CHPT1: variants seen among roughly 807,000 people sequenced by gnomAD.
CHPT1 encodes the protein choline phosphotransferase 1.
Under a neutral mutation model 47.6 loss-of-function variants are expected in CHPT1, and 36 were observed. The ratio of observed to expected loss-of-function variants is 0.76; its 90% CI spans 0.58 to 1.00. The LOEUF is 1.00. CHPT1 is among the 50% of genes least tolerant of loss of function. CHPT1 has a pLI of 0.00. For synonymous variants in CHPT1, 194 were observed against 186.3 expected, an observed-to-expected ratio of 1.04 and a Z score of -0.33; for missense variants, 458 against 498.1, an observed-to-expected ratio of 0.92 and a Z score of 0.77.
At chr12:101,719,804 T>A (rs1420762962) in intron 4 of CHPT1, 8 of 239,610 alleles carry the variant, frequency 3.3e-5, no homozygotes, top group Non-Finnish European at 5.7e-5. Flanking sequence ...AAAAAGTCAC[T>A]TTAGGCTGGT....
At chr12:101,724,978 G>T (rs972575574) in intron 7 of CHPT1, among the ~76,000 whole-genome samples, 3 of 151,946 alleles carry the variant, frequency 2.0e-5, no homozygotes, top group Admixed American at 2.0e-4. Flanking sequence ...TGGACCCACT[G>T]GTTGTCACCA....
intron 4 of CHPT1, chr12:101,719,477 C>G: frequency 1.7e-6 from 2 of 1,154,360 alleles, no homozygotes; most frequent in Non-Finnish European, 2.3e-6. Flanking sequence ...AAATCCTTTG[C>G]TGCCTTTGGA....
intron 1 of CHPT1, among the ~76,000 whole-genome samples, chr12:101,709,071 T>G (rs1951670635): frequency 6.7e-6 from 1 of 148,546 alleles, no homozygotes; most frequent in Non-Finnish European, 1.5e-5. Context: ...AGAATTGAGT[T>G]AGGGAGGCTC....
At chr12:101,713,641 A>T (rs1426298070) in intron 1 of CHPT1, among the ~76,000 whole-genome samples, 4 of 152,052 alleles carry the variant, frequency 2.6e-5, no homozygotes, top group East Asian at 1.9e-4. Flanking sequence ...TTGTTTTTTT[A>T]AAAATATATT....
intron 1 of CHPT1, among the ~76,000 whole-genome samples, chr12:101,699,393 T>C (rs1232453379): frequency 9.8e-6 from 1 of 102,532 alleles, no homozygotes; most frequent in East Asian, 5.4e-4. Flanking sequence ...TTTCTTTTCT[T>C]TTTTTTTTTT....
In CHPT1 at chr12:101,722,184, GA is replaced by G. The variant is rs547258945; in HGVS notation, c.781-983del. Reference sequence around the variant, plus strand: ...TATTTTTCCAACTTTTTTAGGAGCAGATTTTTTTTCTTGAATGAGATTTAAG... The same window carrying G: ...TATTTTTCCAACTTTTTTAGGAGCAGTTTTTTTTCTTGAATGAGATTTAAG... On this transcript the variant is annotated intron_variant, in intron 5 of 8. Transcript: ENST00000229266. Among the ~76,000 whole-genome samples the G allele has an allele frequency of 1.3e-3, 204 of 152,098 alleles. 2 individuals carry two copies. Among genetic ancestry groups the G allele is most frequent in the African/African-American group, 4.2e-3 (174 of 41,500 alleles).
intron 8 of CHPT1, 153 bp downstream of exon 8, chr12:101,726,557 T>G: frequency 8.7e-7 from 1 of 1,145,830 alleles, no homozygotes; most frequent in Admixed American, 3.1e-5. Flanking sequence ...GTAGATTTCA[T>G]TGTGTCTTAT....
chr12:101,726,187 T>G (rs1373796955), intron 7 of CHPT1, 107 bp from the exon 8 acceptor site: 1 of 715,944 alleles, frequency 1.4e-6, no homozygotes, highest in East Asian at 2.6e-5. Context: ...GTATTTTTGG[T>G]GAAGAATTTT....
intron 4 of CHPT1, among the ~76,000 whole-genome samples, chr12:101,718,234 G>A (rs1951792953): frequency 6.6e-6 from 1 of 152,192 alleles, no homozygotes; most frequent in Non-Finnish European, 1.5e-5. Flanking sequence ...CACACAGAAT[G>A]TGTAACACCA....
chr12:101,704,404 C>CTTTTTTTTTTTTTT (rs762770896), intron 1 of CHPT1, among the ~76,000 whole-genome samples: 1 of 140,090 alleles, frequency 7.1e-6, no homozygotes, highest in Non-Finnish European at 1.5e-5. Context: ...TGCTATTTTT[C>CTTTTTTTTTTTTTT]TTTTTTTTTT....
chr12:101,701,113 G>A (rs1172955031), intron 1 of CHPT1, among the ~76,000 whole-genome samples: 1 of 152,144 alleles, frequency 6.6e-6, no homozygotes, highest in Non-Finnish European at 1.5e-5. Context: ...GAAAAAAGTT[G>A]TGATTTATAT....
intron 1 of CHPT1, among the ~76,000 whole-genome samples, chr12:101,709,259 T>C (rs1469161356): frequency 6.8e-6 from 1 of 147,064 alleles, no homozygotes; most frequent in African/African-American, 2.4e-5. Context: ...TAACCAGGCA[T>C]GGTGGTGCAC....
At chr12:101,718,022 T>C (rs947927826) in intron 4 of CHPT1, among the ~76,000 whole-genome samples, 1 of 152,214 alleles carries the variant, frequency 6.6e-6, no homozygotes, top group Non-Finnish European at 1.5e-5. Flanking sequence ...GAAGCCAATC[T>C]GAAAAGTCTG....
intron 4 of CHPT1, among the ~76,000 whole-genome samples, chr12:101,718,908 C>T (rs1951805243): frequency 6.6e-6 from 1 of 151,378 alleles, no homozygotes; most frequent in South Asian, 2.1e-4. Context: ...CAGGTTGTGC[C>T]CGTAAGAAGG....
intron 1 of CHPT1, among the ~76,000 whole-genome samples, chr12:101,703,536 G>A (rs1352061538): frequency 6.6e-6 from 1 of 152,178 alleles, no homozygotes. Flanking sequence ...CTTCTCAAAT[G>A]CTGGTTCCTA....
rs769684435 is a variant in CHPT1, at chr12:101,714,158, T to C, written c.342T>C (p.Asp114=). ...LFIYQSLDAI[D]GKQARRTNSC... is the part of the protein sequence containing the mutation. ...TTTACCAGTCACTGGATGCTATTGA[T>C]GGGAAACAAGCCAGAAGAACAAACT... Residue 114 remains aspartate (D), a synonymous_variant, in exon 2 of 9, where the codon GAT becomes GAC. Coordinates refer to ENST00000229266, the MANE Select transcript of CHPT1 (RefSeq NM_020244.3). 4.3e-6 allele frequency: 7 copies of C among 1,612,828 alleles called. No homozygotes were observed. The highest frequency in any genetic ancestry group is 2.7e-5 in the African/African-American group (2 of 75,038).
intron 1 of CHPT1, among the ~76,000 whole-genome samples, chr12:101,711,674 C>T (rs1301828683): frequency 1.4e-5 from 2 of 148,094 alleles, no homozygotes; most frequent in Non-Finnish European, 3.0e-5. Context: ...GCTGCTCTTG[C>T]CACAAAAACA....
rs1951489473 is a variant in CHPT1, at chr12:101,698,017, G to A, written c.156G>A (p.Trp52Ter). The part of the protein sequence containing the change: ...LEPPLQLYWT[W>*]LLQWIPLWMA... ...CGCCGCTGCAGCTCTACTGGACCTG[G>A]CTGCTCCAGTGGATCCCGCTCTGGA... Residue 52 changes from tryptophan to a stop codon, truncating the protein, a stop_gained, in exon 1 of 9, where the codon TGG (tryptophan) becomes TGA (stop). Transcript: ENST00000229266. LOFTEE classifies it high-confidence loss of function. The A allele has an allele frequency of 1.9e-6, 3 of 1,579,002 alleles. No individual in the cohort carries two copies. Among genetic ancestry groups the A allele is most frequent in the Non-Finnish European group, 1.7e-6 (2 of 1,171,756 alleles).
chr12:101,709,526 T>A (rs981851885), intron 1 of CHPT1, among the ~76,000 whole-genome samples: 2 of 146,968 alleles, frequency 1.4e-5, no homozygotes, highest in African/African-American at 4.9e-5. Flanking sequence ...AGAAAAAAAG[T>A]GAGAAAATGC....
Sources: gnomAD v4.1 joint callset for allele counts (sites outside exome capture counted in the v4.1 genomes callset) on GRCh38, gnomAD v4.1.1 for gene constraint, MANE v1.5 for transcripts, NCBI Gene and HGNC (gene_info 2026-07-23, HGNC 2026-07-21) for gene names.